UBXN7: variants seen among roughly 807,000 people sequenced by gnomAD.
UBXN7 encodes the protein UBX domain protein 7.
A neutral mutation model predicts 58.0 loss-of-function variants in UBXN7; 9 were observed. The observed-to-expected ratio is 0.16, with a 90% CI of 0.09 to 0.27. The LOEUF (loss-of-function observed/expected upper bound fraction) is 0.27, where lower values mean the gene tolerates loss of function less well. Ranked by LOEUF, UBXN7 falls within the 10% of genes least tolerant of loss-of-function variation. The pLI is 1.00. For synonymous variants in UBXN7, 208 were observed against 205.0 expected, an observed-to-expected ratio of 1.01 and a Z score of -0.12; for missense variants, 328 against 599.6, an observed-to-expected ratio of 0.55 and a Z score of 4.73.
chr3:196,394,636 C>A (rs2108847285), intron 3 of UBXN7, among the ~76,000 whole-genome samples: 1 of 152,048 alleles, frequency 6.6e-6, no homozygotes, highest in South Asian at 2.1e-4. Context: ...TCTTAATATC[C>A]AAGTGGTGAT....
Position 196,354,530 on chromosome 3 carries a change from CA to C in UBXN7, c.*2154del. 6.6e-6 allele frequency: 1 copy of C among 152,342 alleles called. No homozygotes were observed. Among genetic ancestry groups the C allele is most frequent in the Non-Finnish European group, 1.5e-5 (1 of 68,042 alleles). 9.4% of individuals were successfully genotyped at this position (152,342 alleles called of 1,614,324 possible). A position where few individuals can be genotyped will look rare whatever the true frequency, so the allele number is the denominator to read the frequency against. On this transcript the variant is annotated 3_prime_UTR_variant, in exon 11 of 11. Transcript: ENST00000296328. ...GGTGCCATCAGAGCACAAAGCTGAG[CA>C]AACCTCTCTTCTTACCCTGTGCCCT...
rs765847850 is a variant in UBXN7 at position 196,362,342 on chromosome 3, T to C, written c.1180A>G (p.Met394Val). ...ACTCCATCTGCTTTTTCAGGTGGCA[T>C]CTCCAGTATCTCTGAATCCACAGCT... is the stretch of plus-strand genomic sequence containing the variant. ...LPAVDSEILE[M>V]PPEKADGVVE... is the part of the protein sequence containing the mutation. The change falls in exon 9 of 11, where the codon ATG (methionine) becomes GTG (valine). Residue 394 changes from methionine to valine, a missense_variant. Around this residue, in one of 4 missense-constraint regions of UBXN7, gnomAD observed 66 missense variants for 77.9 expected, o/e 0.85. Coordinates refer to ENST00000296328, the MANE Select transcript of UBXN7 (RefSeq NM_015562.2). 1.2e-6 allele frequency: 2 copies of C among 1,613,114 alleles called. No homozygotes were observed. Among genetic ancestry groups the C allele is most frequent in the Non-Finnish European group, 8.5e-7 (1 of 1,179,708 alleles).
intron 1 of UBXN7, among the ~76,000 whole-genome samples, chr3:196,409,229 A>G (rs1257521133): frequency 6.6e-6 from 1 of 151,948 alleles, no homozygotes; most frequent in African/African-American, 2.4e-5. Context: ...TTTTATAACT[A>G]GAAGTTCTGT....
chr3:196,365,038 T>C (rs959859928), intron 8 of UBXN7, among the ~76,000 whole-genome samples: 10 of 148,574 alleles, frequency 6.7e-5, no homozygotes, highest in Admixed American at 1.3e-4. Context: ...GTCAGGCTCC[T>C]ATTGAATTTC....
intron 1 of UBXN7, among the ~76,000 whole-genome samples, chr3:196,421,505 C>T (rs955831778): frequency 6.6e-6 from 1 of 152,280 alleles, no homozygotes; most frequent in African/African-American, 2.4e-5. Context: ...GGTGTGGTGG[C>T]TCATGCCCAT....
At chr3:196,372,300 T>TTTTC (rs1728861549) in intron 5 of UBXN7, among the ~76,000 whole-genome samples, 1 of 133,560 alleles carries the variant, frequency 7.5e-6, no homozygotes, top group East Asian at 2.2e-4. Flanking sequence ...TAATAGCTGA[T>TTTTC]TCTCTCTCTC....
Position 196,383,020 on chromosome 3 carries a change from G to A in UBXN7, c.468+8793C>T, listed in dbSNP as rs145115958. 9.5e-3 allele frequency among the ~76,000 whole-genome samples: 1,437 copies of A among 151,866 alleles called. 18 individuals carry two copies. The highest frequency in any genetic ancestry group is 0.024 in the Middle Eastern group (7 of 294). Reference sequence around the variant, plus strand: ...AGTCCCAGCTACTCGAGAGGCTGAGGTGGGAGAATGGCATGAACCCAGGAG... The same window carrying A: ...AGTCCCAGCTACTCGAGAGGCTGAGATGGGAGAATGGCATGAACCCAGGAG... On this transcript the variant is annotated intron_variant, in intron 5 of 10. Coordinates refer to ENST00000296328, the MANE Select transcript of UBXN7 (RefSeq NM_015562.2).
intron 6 of UBXN7, 31 bp from the exon 7 acceptor site, chr3:196,369,542 C>G: frequency 1.9e-6 from 3 of 1,546,378 alleles, no homozygotes; most frequent in Non-Finnish European, 2.7e-6. Flanking sequence ...AAAAAAAAGT[C>G]AGCCTCTAAG....
Position 196,355,325 on chromosome 3 carries a change from T to C in UBXN7, c.*1360A>G, listed in dbSNP as rs1037523520. ...TTAAGCTCAAAATACGAAATGAGCA[T>C]AGGGTGAAGTTGATGTGTAAATGGT... On this transcript the variant is annotated 3_prime_UTR_variant, in exon 11 of 11. Coordinates refer to ENST00000296328, the MANE Select transcript of UBXN7 (RefSeq NM_015562.2). 1.2e-4 allele frequency: 18 copies of C among 152,146 alleles called. No homozygotes were observed. The highest frequency in any genetic ancestry group is 4.1e-4 in the African/African-American group (17 of 41,436). 9.4% of individuals were successfully genotyped at this position (152,146 alleles called of 1,614,324 possible).
rs1001500140 is a variant in UBXN7 at position 196,351,349 on chromosome 3, T to C, written c.*5336A>G. ...CACTGATTAGGCACACAGCATTAAG[T>C]TTTAAAAAATAATGAATTGTTTACA... On this transcript the variant is annotated 3_prime_UTR_variant, in exon 11 of 11. Transcript: ENST00000296328. 2 of 152,140 alleles carry C rather than the reference T, an allele frequency of 1.3e-5. No homozygotes were observed. The highest frequency in any genetic ancestry group is 2.9e-5 in the Non-Finnish European group (2 of 68,030). The allele number at this position is 152,140 out of a possible 1,614,324, so 9.4% of individuals were successfully genotyped here.
chr3:196,428,181 T>A (rs1421185036), intron 1 of UBXN7, among the ~76,000 whole-genome samples: 1 of 151,928 alleles, frequency 6.6e-6, no homozygotes, highest in African/African-American at 2.4e-5. Flanking sequence ...AACCATACTG[T>A]ATACAGCTTC....
intron 10 of UBXN7, among the ~76,000 whole-genome samples, chr3:196,359,320 G>T (rs1210107352): frequency 2.0e-5 from 3 of 152,068 alleles, no homozygotes; most frequent in African/African-American, 7.2e-5. Context: ...CCACCTAATG[G>T]GAGTTTTCCC....
intron 1 of UBXN7, among the ~76,000 whole-genome samples, chr3:196,421,618 A>G (rs1445346022): frequency 1.3e-5 from 2 of 151,812 alleles, no homozygotes; most frequent in Non-Finnish European, 2.9e-5. Flanking sequence ...TCTAGTAAAA[A>G]TACAAAAAAT....
chr3:196,420,161 A>G (rs1455739740), intron 1 of UBXN7, among the ~76,000 whole-genome samples: 2 of 152,198 alleles, frequency 1.3e-5, no homozygotes, highest in East Asian at 1.9e-4. Flanking sequence ...AGAAGAACAT[A>G]CCTTTTTTTT....
At chr3:196,427,540 G>C (rs148552756) in intron 1 of UBXN7, among the ~76,000 whole-genome samples, 1 of 152,316 alleles carries the variant, frequency 6.6e-6, no homozygotes, top group East Asian at 1.9e-4. Context: ...CTGGTCTGAA[G>C]CTCCTGACCT....
intron 5 of UBXN7, among the ~76,000 whole-genome samples, chr3:196,373,652 A>C (rs1396215418): frequency 6.7e-6 from 1 of 149,054 alleles, no homozygotes; most frequent in Non-Finnish European, 1.5e-5. Context: ...TGTTTTAAGA[A>C]GGTCTACATC....
At chr3:196,381,127 G>C (rs1200274204) in intron 5 of UBXN7, among the ~76,000 whole-genome samples, 1 of 152,218 alleles carries the variant, frequency 6.6e-6, no homozygotes, top group East Asian at 1.9e-4. Context: ...AGAGAGCAGT[G>C]GTTCTCCCAG....
In UBXN7 at chr3:196,389,117, G is replaced by A. The variant is rs114759307; in HGVS notation, c.468+2696C>T. Among the ~76,000 whole-genome samples the A allele has an allele frequency of 8.6e-3, 1,308 of 152,292 alleles. 18 individuals carry two copies. The highest frequency in any genetic ancestry group is 0.029 in the African/African-American group (1,223 of 41,568). On this transcript the variant is annotated intron_variant, in intron 5 of 10. Coordinates refer to ENST00000296328, the MANE Select transcript of UBXN7 (RefSeq NM_015562.2). The stretch of plus-strand genomic sequence containing the variant: ...CTTAGTTACTGCATTACGTCCTAGA[G>A]CAACTCATAAGCTAATAAAAATAGA...
At chr3:196,423,983 G>GATTCACCTGCCTCA in intron 1 of UBXN7, among the ~76,000 whole-genome samples, 2 of 149,718 alleles carry the variant, frequency 1.3e-5, no homozygotes, top group Non-Finnish European at 3.0e-5. Flanking sequence ...TCTGACTCCC[G>GATTCACCTGCCTCA]GGTTCCAGCG....
Sources: gnomAD v4.1 joint callset for allele counts (sites outside exome capture counted in the v4.1 genomes callset) on GRCh38, gnomAD v4.1.1 for gene constraint, gnomAD v4.1.1 regional missense constraint, MANE v1.5 for transcripts, NCBI Gene and HGNC (gene_info 2026-07-23, HGNC 2026-07-21) for gene names.